Variants in CCDC73 observed in about 807,000 individuals in gnomAD.
CCDC73 encodes coiled-coil domain containing 73.
CCDC73 carries 95 observed loss-of-function variants against 116.5 expected under a neutral mutation model. The observed-to-expected ratio is 0.82, with a 90% CI of 0.69 to 0.97. The LOEUF (loss-of-function observed/expected upper bound fraction) is 0.97, where lower values mean the gene tolerates loss of function less well. Among genes scored for constraint, CCDC73 ranks in the 50% least tolerant of loss-of-function variants. The probability of loss-of-function intolerance (pLI) is 0.00; values close to 1 mark genes in which losing one functional copy is unlikely to be tolerated. For missense variants in CCDC73, 1,066 were observed against 1,206.8 expected (o/e 0.88, Z 1.73); for synonymous variants, 398 against 401.3 (o/e 0.99, Z 0.10).
intron 2 of CCDC73, among the ~76,000 whole-genome samples, chr11:32,749,605 A>C (rs912481796): frequency 3.3e-5 from 5 of 151,992 alleles, no homozygotes; most frequent in African/African-American, 1.2e-4. Flanking sequence ...TGGGCATTGA[A>C]GAGTGGGGTA....
chr11:32,812,419 A>G, the CCDC73 span, among the ~76,000 whole-genome samples: 1 of 152,136 alleles, frequency 6.6e-6, no homozygotes, highest in African/African-American at 2.4e-5. Context: ...TAATCCCAAC[A>G]CTTTGGGAGG....
At chr11:32,757,810 A>G (rs1198212137) in intron 2 of CCDC73, among the ~76,000 whole-genome samples, 1 of 152,178 alleles carries the variant, frequency 6.6e-6, no homozygotes, top group African/African-American at 2.4e-5. Flanking sequence ...ATGAATGCTT[A>G]TGAGTACTCT....
intron 14 of CCDC73, among the ~76,000 whole-genome samples, chr11:32,631,678 A>G (rs1055365156): frequency 6.6e-6 from 1 of 151,958 alleles, no homozygotes; most frequent in Non-Finnish European, 1.5e-5. Flanking sequence ...GGAAAGGAAG[A>G]AAAGGAAGAA....
chr11:32,643,531 A>G (rs1415969742), intron 12 of CCDC73, among the ~76,000 whole-genome samples: 1 of 152,176 alleles, frequency 6.6e-6, no homozygotes, highest in Non-Finnish European at 1.5e-5. Flanking sequence ...CTCCTATGCT[A>G]CAAACCTGTA....
chr11:32,700,683 T>A, intron 5 of CCDC73, 108 bp downstream of exon 5: 1 of 543,834 alleles, frequency 1.8e-6, no homozygotes. Flanking sequence ...TGCTCTTTTC[T>A]CTTATGGTAA....
chr11:32,605,366 G>A (rs33992831), intron 17 of CCDC73: 5 of 151,786 alleles, frequency 3.3e-5, no homozygotes, highest in African/African-American at 4.8e-5. Context: ...TCTTCCAAAA[G>A]TGTCTGCACA....
chr11:32,621,913 C>T (rs1302478634), intron 14 of CCDC73, among the ~76,000 whole-genome samples: 1 of 152,174 alleles, frequency 6.6e-6, no homozygotes. Flanking sequence ...AAAAAGAGTT[C>T]AACATCACTG....
chr11:32,783,237 G>C (rs771695584), intron 1 of CCDC73, among the ~76,000 whole-genome samples: 1 of 152,028 alleles, frequency 6.6e-6, no homozygotes, highest in Non-Finnish European at 1.5e-5. Context: ...CTAGAATAAA[G>C]AAACTAAGCC....
chr11:32,683,706 C>T (rs1478368955), intron 6 of CCDC73, 132 bp from the exon 7 acceptor site: 10 of 576,724 alleles, frequency 1.7e-5, no homozygotes, highest in Non-Finnish European at 3.1e-5. Flanking sequence ...ATTCAACACA[C>T]ATTTATGGCA....
intron 3 of CCDC73, among the ~76,000 whole-genome samples, chr11:32,713,344 G>T (rs1849918216): frequency 6.6e-6 from 1 of 151,972 alleles, no homozygotes; most frequent in Admixed American, 6.6e-5. Context: ...CTATGCCTTT[G>T]GTGTTGTCCA....
In CCDC73 at chr11:32,614,508, A is replaced by G. The variant is rs1855456615; in HGVS notation, c.1810T>C (p.Phe604Leu). ...DVSENEPFKQFRLLPGTREHA... is the reference protein window; with the variant it reads ...DVSENEPFKQLRLLPGTREHA... Reference sequence around the variant, plus strand: ...TCTCGAGTCCCTGGAAGCAATCTGAATTGTTTGAATGGCTCATTTTCAGAA... The same window carrying G: ...TCTCGAGTCCCTGGAAGCAATCTGAGTTGTTTGAATGGCTCATTTTCAGAA... The change falls in exon 16 of 18, where the codon TTC becomes CTC. Residue 604 changes from phenylalanine (F) to leucine (L), a missense_variant. Physicochemically the swap from Phe to Leu is conservative, Grantham distance 22 (BLOSUM62 0). Transcript: ENST00000335185. 3.7e-6 allele frequency: 6 copies of G among 1,613,246 alleles called. No individual in the cohort carries two copies. In the Admixed American group the frequency reaches 1.0e-4, roughly 27 times the overall value.
chr11:32,799,725 T>A, the CCDC73 span, among the ~76,000 whole-genome samples: 1 of 152,178 alleles, frequency 6.6e-6, no homozygotes, highest in Non-Finnish European at 1.5e-5. Flanking sequence ...TGGTTAGAAT[T>A]GGTTGTGAAT....
chr11:32,708,549 T>C (rs1415369265), intron 3 of CCDC73, among the ~76,000 whole-genome samples: 1 of 152,228 alleles, frequency 6.6e-6, no homozygotes, highest in Non-Finnish European at 1.5e-5. Context: ...GGGATGTGTT[T>C]CCATTTGTTT....
At chr11:32,823,052 G>C in the CCDC73 span, among the ~76,000 whole-genome samples, 1 of 152,190 alleles carries the variant, frequency 6.6e-6, no homozygotes, top group East Asian at 1.9e-4. Context: ...AGGATCACTT[G>C]AAGCCAGGAT....
intron 14 of CCDC73, among the ~76,000 whole-genome samples, chr11:32,620,488 G>A (rs922828866): frequency 1.3e-5 from 2 of 151,754 alleles, no homozygotes; most frequent in African/African-American, 4.8e-5. Flanking sequence ...GCGGATGCCT[G>A]TAGTCCCACC....
At chr11:32,693,652 T>G (rs942511777) in intron 6 of CCDC73, among the ~76,000 whole-genome samples, 4 of 152,168 alleles carry the variant, frequency 2.6e-5, no homozygotes, top group African/African-American at 9.7e-5. Context: ...TGAACATCGA[T>G]GCAAAAATCC....
chr11:32,755,684 CATAT>C (rs1371073087), intron 2 of CCDC73, among the ~76,000 whole-genome samples: 1 of 30,426 alleles, frequency 3.3e-5, no homozygotes, highest in African/African-American at 1.4e-4. Flanking sequence ...TATATATCTC[CATAT>C]ATATGTGTAT....
the CCDC73 span, among the ~76,000 whole-genome samples, chr11:32,823,396 C>A: frequency 6.6e-6 from 1 of 152,108 alleles, no homozygotes; most frequent in East Asian, 1.9e-4. Context: ...ATCGCTTGAA[C>A]CCGGGAGGTG....
chr11:32,662,444 A>T (rs1055213906), intron 9 of CCDC73, among the ~76,000 whole-genome samples: 1 of 152,032 alleles, frequency 6.6e-6, no homozygotes, highest in Non-Finnish European at 1.5e-5. Context: ...AGTGATGATG[A>T]GCATTTTTTC....
Sources: gnomAD v4.1 joint callset for allele counts (sites outside exome capture counted in the v4.1 genomes callset) on GRCh38, gnomAD v4.1.1 for gene constraint, MANE v1.5 for transcripts, NCBI Gene and HGNC (gene_info 2026-07-23, HGNC 2026-07-21) for gene names.